Variants in TAFA2 observed in about 807,000 individuals in gnomAD.
TAFA2 encodes chemokine-like protein TAFA-2.
A neutral mutation model predicts 18.8 loss-of-function variants in TAFA2; 7 were observed. That is an observed-to-expected ratio of 0.37 (90% CI 0.21 to 0.70). TAFA2 has a LOEUF of 0.70. Among genes scored for constraint, TAFA2 ranks in the 30% least tolerant of loss-of-function variants. TAFA2 has a pLI of 0.53. For missense variants in TAFA2, 122 were observed against 158.1 expected (o/e 0.77, Z 1.23); for synonymous variants, 60 against 54.2 (o/e 1.11, Z -0.47).
chr12:61,865,368 C>T (rs147702771), intron 2 of TAFA2, among the ~76,000 whole-genome samples: 54 of 151,094 alleles, frequency 3.6e-4, no homozygotes, highest in Non-Finnish European at 1.0e-4. Context: ...TGTAAAATAG[C>T]TCAAAACAAA....
At chr12:62,098,407 T>C (rs1325503101) in intron 1 of TAFA2, among the ~76,000 whole-genome samples, 1 of 152,174 alleles carries the variant, frequency 6.6e-6, no homozygotes, top group African/African-American at 2.4e-5. Context: ...AGGTTTTCGC[T>C]GGAATTCCTA....
intron 4 of TAFA2, among the ~76,000 whole-genome samples, chr12:61,747,428 C>A (rs1241213051): frequency 1.4e-5 from 2 of 146,562 alleles, no homozygotes; most frequent in African/African-American, 5.2e-5. Context: ...ATGTTTATTG[C>A]GGCATTATTC....
At chr12:62,092,263 T>C (rs1414187191) in intron 1 of TAFA2, among the ~76,000 whole-genome samples, 6 of 152,084 alleles carry the variant, frequency 3.9e-5, no homozygotes, top group East Asian at 3.9e-4. Flanking sequence ...GTAATTTCTC[T>C]TAAATAAAAA....
intron 1 of TAFA2, among the ~76,000 whole-genome samples, chr12:62,161,789 T>C (rs1018376235): frequency 6.6e-5 from 10 of 152,232 alleles, no homozygotes; most frequent in African/African-American, 2.4e-4. Context: ...CTTGTGTGAT[T>C]TTATTAATCT....
intron 1 of TAFA2, among the ~76,000 whole-genome samples, chr12:61,958,013 C>A: frequency 6.6e-6 from 1 of 152,094 alleles, no homozygotes; most frequent in Non-Finnish European, 1.5e-5. Flanking sequence ...TAGCATCTCA[C>A]CCCAGCTCCT....
intron 1 of TAFA2, among the ~76,000 whole-genome samples, chr12:62,025,939 A>T (rs1362205664): frequency 2.0e-5 from 3 of 152,154 alleles, no homozygotes; most frequent in African/African-American, 7.2e-5. Flanking sequence ...AGTCAAGACG[A>T]AATTAACTGG....
chr12:62,107,390 A>G (rs1187842011), intron 1 of TAFA2, among the ~76,000 whole-genome samples: 1 of 152,152 alleles, frequency 6.6e-6, no homozygotes, highest in East Asian at 1.9e-4. Context: ...TTTGGCTTCT[A>G]CTCTATTTTT....
intron 2 of TAFA2, among the ~76,000 whole-genome samples, chr12:61,821,695 C>T (rs972484293): frequency 6.6e-6 from 1 of 152,070 alleles, no homozygotes; most frequent in East Asian, 1.9e-4. Context: ...TTCAAGAGAA[C>T]ATTAATTGTA....
At chr12:61,902,919 G>T (rs191824324) in intron 1 of TAFA2, among the ~76,000 whole-genome samples, 1 of 151,834 alleles carries the variant, frequency 6.6e-6, no homozygotes, top group African/African-American at 2.4e-5. Flanking sequence ...AGTCACCTGT[G>T]ATTTCTCCCT....
intron 2 of TAFA2, among the ~76,000 whole-genome samples, chr12:61,858,322 C>T (rs1873974438): frequency 1.3e-5 from 2 of 152,154 alleles, no homozygotes; most frequent in South Asian, 4.1e-4. Flanking sequence ...ACCACGATTG[C>T]AATTTTCCTG....
At chr12:61,814,652 C>A (rs566927071) in intron 2 of TAFA2, among the ~76,000 whole-genome samples, 1 of 151,266 alleles carries the variant, frequency 6.6e-6, no homozygotes, top group African/African-American at 2.5e-5. Flanking sequence ...ACCTCACATG[C>A]CAAAAGGGAC....
intron 1 of TAFA2, among the ~76,000 whole-genome samples, chr12:62,058,635 CTG>C (rs1882252959): frequency 6.6e-6 from 1 of 151,810 alleles, no homozygotes; most frequent in African/African-American, 2.4e-5. Context: ...CCTTTTTTTT[CTG>C]TGTCCCTTTC....
chr12:62,055,604 A>C (rs771655035), intron 1 of TAFA2, among the ~76,000 whole-genome samples: 1 of 152,216 alleles, frequency 6.6e-6, no homozygotes, highest in African/African-American at 2.4e-5. Context: ...CTATACCTAA[A>C]TAATTTCTAA....
intron 1 of TAFA2, among the ~76,000 whole-genome samples, chr12:62,017,580 G>A (rs1880980380): frequency 6.6e-6 from 1 of 152,068 alleles, no homozygotes; most frequent in African/African-American, 2.4e-5. Flanking sequence ...TGGCCACGTG[G>A]TGAAATATTT....
intron 2 of TAFA2, among the ~76,000 whole-genome samples, chr12:61,859,403 G>A (rs1165720568): frequency 2.0e-5 from 3 of 152,148 alleles, no homozygotes; most frequent in Non-Finnish European, 4.4e-5. Context: ...TGGGGACACA[G>A]AGCCAAACCA....
intron 1 of TAFA2, among the ~76,000 whole-genome samples, chr12:62,180,739 A>C (rs2062546574): frequency 6.6e-6 from 1 of 152,184 alleles, no homozygotes; most frequent in South Asian, 2.1e-4. Flanking sequence ...ATAGCCAAAA[A>C]AATTTAGTAT....
At chr12:62,201,500 T>C (rs2062670733) in intron 1 of TAFA2, among the ~76,000 whole-genome samples, 2 of 152,234 alleles carry the variant, frequency 1.3e-5, no homozygotes, top group South Asian at 4.1e-4. Context: ...GATAATTATG[T>C]GGTTACTGTC....
chr12:61,739,756 A>T (rs1209776356), intron 4 of TAFA2, among the ~76,000 whole-genome samples: 8 of 152,068 alleles, frequency 5.3e-5, no homozygotes, highest in African/African-American at 9.7e-5. Flanking sequence ...CAATAGTTGG[A>T]CTGTCTGGCC....
chr12:62,021,570 C>T (rs930174890), intron 1 of TAFA2: 19 of 814,902 alleles, frequency 2.3e-5, no homozygotes, highest in Admixed American at 5.2e-5. Context: ...GACCCTGTTA[C>T]GCTGTGGGGA....
Sources: allele counts gnomAD v4.1 joint callset (sites outside exome capture counted in the v4.1 genomes callset), GRCh38; gene constraint gnomAD v4.1.1; transcripts MANE v1.5; gene names NCBI Gene and HGNC (gene_info 2026-07-23, HGNC 2026-07-21).